Variants in PCDHA2 observed in about 807,000 individuals in gnomAD.
PCDHA2 encodes the protein protocadherin alpha-2.
A neutral mutation model predicts 66.0 loss-of-function variants in PCDHA2; 58 were observed. The observed-to-expected ratio is 0.88, with a 90% CI of 0.71 to 1.09. The LOEUF is 1.09. Among genes scored for constraint, PCDHA2 ranks in the 50% least tolerant of loss-of-function variants. The pLI, the probability that PCDHA2 is intolerant of heterozygous loss-of-function variation, is 0.00. For missense variants in PCDHA2, 1,267 were observed against 1,242.3 expected (o/e 1.02, Z -0.30); for synonymous variants, 634 against 554.0 (o/e 1.14, Z -2.03).
At chr5:140,927,893 A>G (rs1554205201) in intron 1 of PCDHA2, 1 of 1,614,050 alleles carries the variant, frequency 6.2e-7, no homozygotes, top group Non-Finnish European at 8.5e-7. Flanking sequence ...ACTGACGTGA[A>G]CGATCATGCC....
rs782027925 is a variant in PCDHA2, at chr5:140,877,333, C to G, written c.2388+79981C>G. The G allele has an allele frequency of 2.5e-6, 4 of 1,613,992 alleles. No individual in the cohort carries two copies. The South Asian group carries it at 3.3e-5, about 13-fold the overall frequency. Reference sequence around the variant, plus strand: ...ACCGGCGGCGGTCGGCGCGCACATCCCGTTCCACGTGGGGCTGTACACTGG... The same window carrying G: ...ACCGGCGGCGGTCGGCGCGCACATCGCGTTCCACGTGGGGCTGTACACTGG... On this transcript the variant is annotated intron_variant, in intron 1 of 3. Transcript: ENST00000526136.
chr5:140,998,646 C>G (rs1413467899), intron 3 of PCDHA2, among the ~76,000 whole-genome samples: 1 of 151,870 alleles, frequency 6.6e-6, no homozygotes, highest in Non-Finnish European at 1.5e-5. Flanking sequence ...CTCACTGCAA[C>G]CTCTGCCTCC....
intron 1 of PCDHA2, among the ~76,000 whole-genome samples, chr5:140,925,768 G>A (rs1018599372): frequency 6.6e-6 from 1 of 151,870 alleles, no homozygotes; most frequent in Admixed American, 6.6e-5. Flanking sequence ...TAGTTTCCTG[G>A]TCAAACTCTA....
chr5:140,859,907 T>G (rs982789282), intron 1 of PCDHA2: 3 of 150,386 alleles, frequency 2.0e-5, no homozygotes, highest in African/African-American at 5.0e-5. Context: ...CCTTAATGTC[T>G]TATATTATAA....
At chr5:140,846,476 A>G (rs2150391448) in intron 1 of PCDHA2, among the ~76,000 whole-genome samples, 10 of 143,712 alleles carry the variant, frequency 7.0e-5, no homozygotes, top group Admixed American at 2.1e-4. Context: ...CCGGGTTCAA[A>G]TGATTCTCCT....
chr5:140,853,458 T>TA lies in PCDHA2; in HGVS notation c.2388+56107dup. 7 of 974,486 alleles carry TA rather than the reference T, an allele frequency of 7.2e-6. 1 individual carries two copies. Among genetic ancestry groups the TA allele is most frequent in the Non-Finnish European group, 8.7e-6 (7 of 807,370 alleles). The allele number at this position is 974,486 out of a possible 1,614,324, so 60.4% of individuals were successfully genotyped here. ...CTATTTTGCCTAATAGGTCTCCTTA[T>TA]ATGCATCTGTAGTTAACATTCCTCA... On this transcript the variant is annotated intron_variant, in intron 1 of 3. Coordinates refer to ENST00000526136, the MANE Select transcript of PCDHA2 (RefSeq NM_018905.3).
rs2150110384 is a variant in PCDHA2, at chr5:140,821,746, T to C, written c.2388+24394T>C. ...CAAAATACATTGTGTGGTGATGCAATAGAAAGCTCATAATTGGAACGAGAT... is the reference window on the plus strand; with the variant it reads ...CAAAATACATTGTGTGGTGATGCAACAGAAAGCTCATAATTGGAACGAGAT... On this transcript the variant is annotated intron_variant, in intron 1 of 3. Transcript: ENST00000526136. 12 of 1,569,278 alleles carry C rather than the reference T, an allele frequency of 7.6e-6. No individual in the cohort carries two copies. The South Asian group carries it at 1.3e-4, about 17-fold the overall frequency.
Position 140,796,847 on chromosome 5 carries a change from C to G in PCDHA2, c.1883C>G (p.Thr628Arg), listed in dbSNP as rs782019473. ...ARIPFRVGLY[T>R]GEISTTRALD... ...ATCCCGTTCCGCGTGGGGCTATACA[C>G]GGGTGAGATCAGCACGACACGTGCC... The change falls in exon 1 of 4, where the codon ACG becomes AGG. Residue 628 changes from threonine (T) to arginine (R), a missense_variant. Transcript: ENST00000526136. The G allele has an allele frequency of 6.2e-7, 1 of 1,614,068 alleles. No homozygotes were observed.
At chr5:140,996,597 C>G (rs183031992) in intron 3 of PCDHA2, among the ~76,000 whole-genome samples, 47 of 152,304 alleles carry the variant, frequency 3.1e-4, no homozygotes, top group African/African-American at 1.1e-3. Context: ...CGCCTCCCCC[C>G]ATTTTCATTT....
intron 1 of PCDHA2, chr5:140,857,354 G>T (rs1449369579): frequency 6.3e-7 from 1 of 1,598,378 alleles, no homozygotes. Context: ...TCCGCTGTGG[G>T]CCACGGCCAG....
intron 1 of PCDHA2, chr5:140,967,968 G>A: frequency 3.1e-6 from 5 of 1,614,218 alleles, no homozygotes; most frequent in Non-Finnish European, 4.2e-6. Flanking sequence ...CGGAAAGTGA[G>A]CCTGGGTCTG....
intron 1 of PCDHA2, chr5:140,850,107 C>G (rs2150467518): frequency 6.3e-7 from 1 of 1,596,166 alleles, no homozygotes; most frequent in East Asian, 2.2e-5. Context: ...GGTGAGCGCG[C>G]GCGACGCGGG....
chr5:140,962,036 A>G (rs761594563), intron 1 of PCDHA2, among the ~76,000 whole-genome samples: 10 of 151,802 alleles, frequency 6.6e-5, no homozygotes, highest in Non-Finnish European at 1.2e-4. Flanking sequence ...GGCACCCACC[A>G]CCATGCCTGG....
intron 1 of PCDHA2, among the ~76,000 whole-genome samples, chr5:140,905,945 T>C (rs2072222090): frequency 6.6e-6 from 1 of 152,150 alleles, no homozygotes; most frequent in Non-Finnish European, 1.5e-5. Flanking sequence ...GAACTTGGAA[T>C]CCGATGTTCA....
chr5:140,886,847 AG>A lies in PCDHA2; in HGVS notation c.2388+89496del, dbSNP rs1299329603. ...GTCTTGAAAAAAAAAAAAAAAAAAA[AG>A]AAAGGTCTTCCCAACTCCTATATTG... On this transcript the variant is annotated intron_variant, in intron 1 of 3. Transcript: ENST00000526136. Among the ~76,000 whole-genome samples the A allele has an allele frequency of 2.2e-3, 339 of 151,134 alleles. 4 individuals are homozygous for A. Among genetic ancestry groups the A allele is most frequent in the African/African-American group, 7.8e-3 (323 of 41,170 alleles).
intron 1 of PCDHA2, chr5:140,929,256 A>T (rs572411725): frequency 1.9e-6 from 3 of 1,613,220 alleles, no homozygotes; most frequent in Non-Finnish European, 2.5e-6. Context: ...CTGGGGTAGG[A>T]CTGAATTTGC....
rs1554119952 is a variant in PCDHA2, at chr5:140,796,508, G to T, written c.1544G>T (p.Gly515Val). 5 of 1,612,424 alleles carry T rather than the reference G, an allele frequency of 3.1e-6. No individual in the cohort carries two copies. Among genetic ancestry groups the T allele is most frequent in the Non-Finnish European group, 3.4e-6 (4 of 1,179,846 alleles). ...SSYVSVHAESGKVYALQPLDH... is the reference protein window; with the variant it reads ...SSYVSVHAESVKVYALQPLDH... ...TACGTTTCGGTGCACGCGGAGAGCG[G>T]CAAGGTGTACGCGCTGCAGCCGCTG... The change falls in exon 1 of 4, where the codon GGC (glycine) becomes GTC (valine). Residue 515 changes from glycine (G) to valine (V), a missense_variant. Gly to Val is a moderately radical substitution (Grantham distance 109, BLOSUM62 -3). Coordinates refer to ENST00000526136, the MANE Select transcript of PCDHA2 (RefSeq NM_018905.3).
chr5:140,863,268 G>T (rs781869652), intron 1 of PCDHA2: 5 of 1,459,234 alleles, frequency 3.4e-6, no homozygotes, highest in African/African-American at 1.4e-5. Flanking sequence ...GGGAGGCAGC[G>T]CTGGTGGATG....
At chr5:140,921,744 A>T (rs1554200416) in intron 1 of PCDHA2, among the ~76,000 whole-genome samples, 1 of 152,158 alleles carries the variant, frequency 6.6e-6, no homozygotes. Context: ...TATAAGCATA[A>T]CAGGACACTT....
Sources: allele counts gnomAD v4.1 joint callset (sites outside exome capture counted in the v4.1 genomes callset), GRCh38; gene constraint gnomAD v4.1.1; transcripts MANE v1.5; gene names NCBI Gene and HGNC (gene_info 2026-07-23, HGNC 2026-07-21).